NTF4: variants seen among roughly 807,000 people sequenced by gnomAD.
NTF4 encodes neurotrophin-4.
A neutral mutation model predicts 4.4 loss-of-function variants in NTF4; 2 were observed. The ratio of observed to expected loss-of-function variants is 0.46; its 90% CI spans 0.19 to 1.44. The LOEUF is 1.44. NTF4 is among the 40% of genes most tolerant of loss of function. The probability of loss-of-function intolerance (pLI) is 0.26; values close to 1 mark genes in which losing one functional copy is unlikely to be tolerated. For synonymous variants in NTF4, 127 were observed against 122.0 expected (o/e 1.04, Z -0.27); for missense variants, 260 against 293.0 (o/e 0.89, Z 0.82).
downstream of NTF4, among the ~76,000 whole-genome samples, chr19:49,060,189 C>A (rs976852264): frequency 2.6e-5 from 4 of 151,956 alleles, no homozygotes; most frequent in African/African-American, 7.3e-5. Flanking sequence ...ACTTACCCCT[C>A]CTCCCCCATT....
rs374345134 is a variant in NTF4 at position 49,061,545 on chromosome 19, C to T, written c.453G>A (p.Pro151=). ...CCCGGCAGCCCCCTCCACCTGCCCC[C>T]GGGCCACCTTCCTCAGCGTTATCAG... Residue 151 remains proline, a synonymous_variant, in exon 1 of 1, where the codon CCG becomes CCA. Transcript: ENST00000593537. The surrounding 1 kb of genome is among the most constrained non-coding windows in gnomAD (Gnocchi z 4.9). The T allele has an allele frequency of 8.7e-5, 141 of 1,614,170 alleles. No homozygotes were observed. The highest frequency in any genetic ancestry group is 8.3e-4 in the South Asian group (76 of 91,084).
Position 49,061,864 on chromosome 19 carries a change from CG to C in NTF4, c.133del (p.Arg45GlufsTer2), listed in dbSNP as rs1568408574. On this transcript the variant is annotated frameshift_variant, in exon 1 of 1. Transcript: ENST00000593537. LOFTEE classifies it low-confidence loss of function (END_TRUNC). This position sits in a 1 kb window ranked among gnomAD's most constrained non-coding sequence, Gnocchi z 4.9. ...AGGGGCACCCCTAGACAGGACTACT[CG>C]GGGGGAGAGAAGGTCCCACTCAGGG... 1 of 1,535,716 alleles carries C rather than the reference CG, an allele frequency of 6.5e-7. No homozygotes were observed. The highest frequency in any genetic ancestry group is 2.5e-5 in the East Asian group (1 of 40,482).
rs2040129044 is a variant in NTF4, at chr19:49,061,307, C to T, written c.*58G>A. The T allele has an allele frequency of 6.2e-7, 1 of 1,606,698 alleles. No individual in the cohort carries two copies. The stretch of plus-strand genomic sequence containing the variant: ...TCCCAAACTGGGGTCCTTAGATCAG[C>T]TGGGCCATCCCTGAGGTCTCTCAGC... On this transcript the variant is annotated 3_prime_UTR_variant, in exon 1 of 1. Coordinates refer to ENST00000593537, the Ensembl canonical transcript of NTF4. This position sits in a 1 kb window ranked among gnomAD's most constrained non-coding sequence, Gnocchi z 4.9.
In NTF4 at chr19:49,061,534, C is replaced by T. The variant is rs1238292993; in HGVS notation, c.464G>A (p.Gly155Glu). ...CCTGTCCACTCCCCGGCAGCCCCCT[C>T]CACCTGCCCCCGGGCCACCTTCCTC... The change falls in exon 1 of 1, where the codon GGA becomes GAA. Residue 155 changes from glycine (G) to glutamate (E), a missense_variant. Coordinates refer to ENST00000593537, the Ensembl canonical transcript of NTF4. This position sits in a 1 kb window ranked among gnomAD's most constrained non-coding sequence, Gnocchi z 4.9. The T allele has an allele frequency of 3.7e-6, 6 of 1,614,068 alleles. No homozygotes were observed. Among genetic ancestry groups the T allele is most frequent in the Non-Finnish European group, 5.1e-6 (6 of 1,180,056 alleles).
Position 49,061,531 on chromosome 19 carries a change from C to T in NTF4, c.467G>A (p.Gly156Glu), listed in dbSNP as rs933661685. 3 of 1,614,084 alleles carry T rather than the reference C, an allele frequency of 1.9e-6. No individual in the cohort carries two copies. Among genetic ancestry groups the T allele is most frequent in the South Asian group, 1.1e-5 (1 of 91,090 alleles). ...CCTCCTGTCCACTCCCCGGCAGCCCCCTCCACCTGCCCCCGGGCCACCTTC... is the reference window on the plus strand; with the variant it reads ...CCTCCTGTCCACTCCCCGGCAGCCCTCTCCACCTGCCCCCGGGCCACCTTC... Residue 156 changes from glycine (G) to glutamate (E), a missense_variant, in exon 1 of 1, where the codon GGG becomes GAG. Physicochemically the swap from Gly to Glu is moderately conservative, Grantham distance 98. Transcript: ENST00000593537. This position sits in a 1 kb window ranked among gnomAD's most constrained non-coding sequence, Gnocchi z 4.9.
At chr19:49,063,295 C>G (rs1198023246), upstream of NTF4, among the ~76,000 whole-genome samples, 1 of 151,662 alleles carries the variant, frequency 6.6e-6, no homozygotes, top group African/African-American at 2.4e-5. Context: ...GCATAAGCCA[C>G]CATGCCTGGT....
At chr19:49,059,227 C>T (rs1307849733), downstream of NTF4, among the ~76,000 whole-genome samples, 3 of 152,160 alleles carry the variant, frequency 2.0e-5, no homozygotes, top group Admixed American at 6.5e-5. Flanking sequence ...CCGGGGCTCC[C>T]CAACCCTTCC....
downstream of NTF4, chr19:49,058,324 G>A: frequency 6.7e-7 from 1 of 1,485,286 alleles, no homozygotes; most frequent in Non-Finnish European, 8.9e-7. Flanking sequence ...TGCAGTCGGA[G>A]GTAGAGGGTC....
upstream of NTF4, among the ~76,000 whole-genome samples, chr19:49,062,640 C>T (rs2040167400): frequency 6.6e-6 from 1 of 151,804 alleles, no homozygotes; most frequent in Non-Finnish European, 1.5e-5. Context: ...CAGAATTACC[C>T]GGGTGTGGTG....
In NTF4 at chr19:49,061,164, C is replaced by A; in HGVS notation, c.*201G>T. On this transcript the variant is annotated 3_prime_UTR_variant, in exon 1 of 1. Transcript: ENST00000593537. The surrounding 1 kb of genome is among the most constrained non-coding windows in gnomAD (Gnocchi z 4.9). Reference sequence around the variant, plus strand: ...ATTATTATATCATCATCATTATTACCCTCAAGTTGCTCCAGGAGAACTCCT... The same window carrying A: ...ATTATTATATCATCATCATTATTACACTCAAGTTGCTCCAGGAGAACTCCT... 1 of 875,074 alleles carries A rather than the reference C, an allele frequency of 1.1e-6. No homozygotes were observed. The highest frequency in any genetic ancestry group is 1.7e-6 in the Non-Finnish European group (1 of 582,758). The allele number at this position is 875,074 out of a possible 1,614,324, so 54.2% of individuals were successfully genotyped here. A position where few individuals can be genotyped will look rare whatever the true frequency, so the allele number is the denominator to read the frequency against.
chr19:49,060,691 G>C (rs1047063825), downstream of NTF4: 9 of 152,656 alleles, frequency 5.9e-5, no homozygotes, highest in Admixed American at 2.0e-4. Context: ...TAAAGGTTGG[G>C]ACAGGGAAGA....
chr19:49,061,856 G>A lies in NTF4; in HGVS notation c.142C>T (p.Leu48=). ...GGCCCAGCAGGGGCACCCCTAGACA[G>A]GACTACTCGGGGGGAGAGAAGGTCC... The change falls in exon 1 of 1, where the codon CTG becomes TTG. Residue 48 remains leucine (L), a synonymous_variant. Transcript: ENST00000593537. The surrounding 1 kb of genome is among the most constrained non-coding windows in gnomAD (Gnocchi z 4.9). The A allele has an allele frequency of 6.5e-7, 1 of 1,546,898 alleles. No homozygotes were observed. The highest frequency in any genetic ancestry group is 8.7e-7 in the Non-Finnish European group (1 of 1,143,976).
upstream of NTF4, among the ~76,000 whole-genome samples, chr19:49,062,726 G>A (rs536361592): frequency 1.4e-3 from 211 of 152,290 alleles, 1 homozygote; most frequent in African/African-American, 4.9e-3. Context: ...GGAGGTTGTG[G>A]TGGGCTGAGA....
In NTF4 at chr19:49,061,917, TG is replaced by T; in HGVS notation, c.80del (p.Pro27HisfsTer20). On this transcript the variant is annotated frameshift_variant, in exon 1 of 1. Transcript: ENST00000593537. LOFTEE classifies it low-confidence loss of function (END_TRUNC). This position sits in a 1 kb window ranked among gnomAD's most constrained non-coding sequence, Gnocchi z 4.9. ...CCAGAAAAGGGGGCAATGTTGAGGG[TG>T]GGGGTTGGGACTCAATTGGCACACT... is the stretch of plus-strand genomic sequence containing the variant. 2 of 1,398,630 alleles carry T rather than the reference TG, an allele frequency of 1.4e-6. No individual in the cohort carries two copies. Among genetic ancestry groups the T allele is most frequent in the Non-Finnish European group, 1.9e-6 (2 of 1,058,096 alleles). 86.6% of individuals were successfully genotyped at this position (1,398,630 alleles called of 1,614,324 possible).
chr19:49,062,720 G>T (rs1026630873), upstream of NTF4, among the ~76,000 whole-genome samples: 6 of 152,262 alleles, frequency 3.9e-5, no homozygotes, highest in Admixed American at 1.3e-4. Context: ...GGAGGTGGAG[G>T]TTGTGGTGGG....
chr19:49,058,553 C>T (rs917282405), downstream of NTF4: 8 of 493,362 alleles, frequency 1.6e-5, no homozygotes, highest in Admixed American at 3.8e-5. Flanking sequence ...CCCCTTTTCT[C>T]AGCCCCCATC....
At chr19:49,063,012 A>AT (rs34534089), upstream of NTF4, among the ~76,000 whole-genome samples, 29,494 of 147,092 alleles carry the variant, frequency 0.2, 3,069 homozygotes, top group African/African-American at 0.27. Flanking sequence ...GTTCCAAACA[A>AT]TTTTTTTTTT....
At position 49,061,381 on chromosome 19, in the gene NTF4, C is replaced by A; in HGVS notation, c.617G>T (p.Arg206Leu). ...GCATGGGTCTCAGGCCCGGCCAGTC[C>A]GGCTGAGGAGTGTGCAGACGCAGGC... Residue 206 changes from arginine (R) to leucine (L), a missense_variant, in exon 1 of 1, where the codon CGG (arginine) becomes CTG (leucine). Transcript: ENST00000593537. This position sits in a 1 kb window ranked among gnomAD's most constrained non-coding sequence, Gnocchi z 4.9. 1 of 1,612,456 alleles carries A rather than the reference C, an allele frequency of 6.2e-7. No individual in the cohort carries two copies. Among genetic ancestry groups the A allele is most frequent in the Non-Finnish European group, 8.5e-7 (1 of 1,180,016 alleles).
chr19:49,062,051 A>G (rs918080284), upstream of NTF4: 3 of 1,427,506 alleles, frequency 2.1e-6, no homozygotes, highest in African/African-American at 4.3e-5. Context: ...AGAAGGGGGT[A>G]AAAACTTCAG....
Sources: gnomAD v4.1 joint callset for allele counts (sites outside exome capture counted in the v4.1 genomes callset) on GRCh38, gnomAD v4.1.1 for gene constraint, Gnocchi (gnomAD v3.1) non-coding constraint, MANE v1.5 for transcripts, NCBI Gene and HGNC (gene_info 2026-07-23, HGNC 2026-07-21) for gene names.